The following IRS2 variants were observed in gnomAD, a reference collection of about 807,000 sequenced individuals.
IRS2 encodes insulin receptor substrate 2.
In IRS2, 28 loss-of-function variants were observed where a neutral mutation model predicts 70.9. The ratio of observed to expected loss-of-function variants is 0.39; its 90% CI spans 0.29 to 0.54. The LOEUF is 0.54. Among genes scored for constraint, IRS2 ranks in the 20% least tolerant of loss-of-function variants. The pLI is 0.59. For synonymous variants in IRS2, 1,217 were observed against 981.9 expected, an observed-to-expected ratio of 1.24 and a Z score of -4.48; for missense variants, 2,081 against 2,024.1, an observed-to-expected ratio of 1.03 and a Z score of -0.54.
At chr13:109,763,847 T>C (rs1877279059) in intron 1 of IRS2, among the ~76,000 whole-genome samples, 1 of 152,246 alleles carries the variant, frequency 6.6e-6, no homozygotes, top group South Asian at 2.1e-4. Context: ...TAATTATTTA[T>C]TCACAATATA....
intron 1 of IRS2, among the ~76,000 whole-genome samples, chr13:109,762,338 A>C (rs72667744): frequency 2.0e-5 from 3 of 152,196 alleles, no homozygotes; most frequent in Non-Finnish European, 4.4e-5. Flanking sequence ...TTTCTTTTAA[A>C]TTATGAAATG....
intron 1 of IRS2, among the ~76,000 whole-genome samples, chr13:109,757,431 C>G (rs1326445633): frequency 6.6e-6 from 1 of 152,060 alleles, no homozygotes; most frequent in Non-Finnish European, 1.5e-5. Flanking sequence ...TTTTTGTGAA[C>G]CAAATTCTTT....
chr13:109,783,251 C>A lies in IRS2; in HGVS notation c.2803G>T (p.Ala935Ser). ...GCCGCCGACGCCAGCAGGGGAGGCG[C>A]GGGCGGCGACAGGCGGGCCCCGGGC... Reference protein sequence around the residue: ...GEPGARLSPPAPPLLASAASS... With the variant: ...GEPGARLSPPSPPLLASAASS... The change falls in exon 1 of 2, where the codon GCG becomes TCG. Residue 935 changes from alanine (A) to serine (S), a missense_variant. By Grantham distance (99) the Ala-to-Ser change is moderately conservative. Around this residue, in one of 4 missense-constraint regions of IRS2, gnomAD observed 1,615 missense variants for 1,459.5 expected, o/e 1.11. Transcript: ENST00000375856. 6.8e-7 allele frequency: 1 copy of A among 1,476,668 alleles called. No homozygotes were observed. Among genetic ancestry groups the A allele is most frequent in the South Asian group, 1.3e-5 (1 of 77,676 alleles). 91.5% of individuals were successfully genotyped at this position (1,476,668 alleles called of 1,614,324 possible). A position where few individuals can be genotyped will look rare whatever the true frequency, so the allele number is the denominator to read the frequency against.
In IRS2 at chr13:109,786,233, C is replaced by G. The variant is rs1406278679; in HGVS notation, c.-180G>C. 1 of 178,326 alleles carries G rather than the reference C, an allele frequency of 5.6e-6. No individual in the cohort carries two copies. Among genetic ancestry groups the G allele is most frequent in the Non-Finnish European group, 1.1e-5 (1 of 94,770 alleles). The allele number at this position is 178,326 out of a possible 1,614,324, so 11.0% of individuals were successfully genotyped here. A position where few individuals can be genotyped will look rare whatever the true frequency, so the allele number is the denominator to read the frequency against. On this transcript the variant is annotated 5_prime_UTR_variant, in exon 1 of 2. Coordinates refer to ENST00000375856, the MANE Select transcript of IRS2 (RefSeq NM_003749.3). This position sits in a 1 kb window ranked among gnomAD's most constrained non-coding sequence, Gnocchi z 4.4. The stretch of plus-strand genomic sequence containing the variant: ...GGGAGGCCCGCGGGGGCCAGCACCG[C>G]TCGGCGGCGCCGCGCCCTCCGCGCT...
Position 109,783,664 on chromosome 13 carries a change from C to T in IRS2, c.2390G>A (p.Gly797Asp), listed in dbSNP as rs1443884819. Residue 797 changes from glycine to aspartate, a missense_variant, in exon 1 of 2, where the codon GGC becomes GAC. By Grantham distance (94) the Gly-to-Asp change is moderately conservative. Coordinates refer to ENST00000375856, the MANE Select transcript of IRS2 (RefSeq NM_003749.3). ...GGAGCTGTAGCAGCAGCCGGGAACGCCCCTGAGCGGCTCCCCGCCGGGGTG... is the reference window on the plus strand; with the variant it reads ...GGAGCTGTAGCAGCAGCCGGGAACGTCCCTGAGCGGCTCCCCGCCGGGGTG... ...ALHPGGEPLR[G>D]VPGCCYSSLP... The T allele has an allele frequency of 7.7e-6, 12 of 1,557,178 alleles. No individual in the cohort carries two copies. In the South Asian group the frequency reaches 1.3e-4, roughly 17 times the overall value.
Position 109,756,089 on chromosome 13 carries a change from A to G in IRS2, c.*215T>C. The G allele has an allele frequency of 3.7e-6, 2 of 544,556 alleles. No individual in the cohort carries two copies. Among genetic ancestry groups the G allele is most frequent in the Non-Finnish European group, 6.6e-6 (2 of 302,728 alleles). The allele number at this position is 544,556 out of a possible 1,614,324, so 33.7% of individuals were successfully genotyped here. ...AACAAAACAAAACGCAAACAGCACA[A>G]TGATGAATGCCCCATCCGGGAACAA... On this transcript the variant is annotated 3_prime_UTR_variant, in exon 2 of 2. Transcript: ENST00000375856.
At position 109,782,343 on chromosome 13, in the gene IRS2, C is replaced by T. The variant is rs2138929479; in HGVS notation, c.3711G>A (p.Ser1237=). 6.2e-7 allele frequency: 1 copy of T among 1,611,642 alleles called. No homozygotes were observed. Among genetic ancestry groups the T allele is most frequent in the Non-Finnish European group, 8.5e-7 (1 of 1,179,402 alleles). ...CGGCAGAGGTCTCTCTGCGCATGGGCGATCCACCGCTCCCAGGACAACCGA... is the reference window on the plus strand; with the variant it reads ...CGGCAGAGGTCTCTCTGCGCATGGGTGATCCACCGCTCCCAGGACAACCGA... The part of the protein sequence containing the change: ...GLVGCPGSGG[S]PMRRETSAGF... Residue 1237 remains serine (S), a synonymous_variant, in exon 1 of 2, where the codon TCG becomes TCA. Transcript: ENST00000375856.
Position 109,754,006 on chromosome 13 carries a change from ATAAGT to A in IRS2, c.*2293_*2297del, listed in dbSNP as rs774638342. 157 of 232,028 alleles carry A rather than the reference ATAAGT, an allele frequency of 6.8e-4. No individual in the cohort carries two copies. Among genetic ancestry groups the A allele is most frequent in the South Asian group, 1.6e-3 (9 of 5,518 alleles). 14.4% of individuals were successfully genotyped at this position (232,028 alleles called of 1,614,324 possible). ...CGTGTACAGTGGAAGACAGAGCAAG[ATAAGT>A]TAAGTCTCTTGTCATATCACAATAG... is the stretch of plus-strand genomic sequence containing the variant. On this transcript the variant is annotated 3_prime_UTR_variant, in exon 2 of 2. Transcript: ENST00000375856.
intron 1 of IRS2, among the ~76,000 whole-genome samples, chr13:109,765,372 A>T (rs1344185541): frequency 6.6e-6 from 1 of 152,204 alleles, no homozygotes; most frequent in Non-Finnish European, 1.5e-5. Flanking sequence ...ATGTGGAGAC[A>T]GAGGAAATCC....
In IRS2 at chr13:109,774,874, G is replaced by A. The variant is rs1478333655; in HGVS notation, c.4012+7168C>T. Among the ~76,000 whole-genome samples the A allele has an allele frequency of 2.0e-5, 3 of 152,290 alleles. No individual in the cohort carries two copies. In the East Asian group the frequency reaches 5.8e-4, roughly 29 times the overall value. Reference sequence around the variant, plus strand: ...CTCTTTTAACCCCAAGAGAAGAGTGGCAGGCAGTTATCCGTCAATATTGAT... The same window carrying A: ...CTCTTTTAACCCCAAGAGAAGAGTGACAGGCAGTTATCCGTCAATATTGAT... On this transcript the variant is annotated intron_variant, in intron 1 of 1. Transcript: ENST00000375856.
chr13:109,770,488 GCACCC>G (rs1177940664), intron 1 of IRS2, among the ~76,000 whole-genome samples: 3 of 152,172 alleles, frequency 2.0e-5, no homozygotes, highest in Non-Finnish European at 4.4e-5. Flanking sequence ...CTCATCTGAT[GCACCC>G]CAGGTTCACG....
At position 109,785,694 on chromosome 13, in the gene IRS2, C is replaced by T. The variant is rs1467117957; in HGVS notation, c.360G>A (p.Glu120=). 6.2e-7 allele frequency: 1 copy of T among 1,600,500 alleles called. No individual in the cohort carries two copies. Residue 120 remains glutamate, a synonymous_variant, in exon 1 of 2, where the codon GAG becomes GAA. Transcript: ENST00000375856. The surrounding 1 kb of genome is among the most constrained non-coding windows in gnomAD (Gnocchi z 9.3). Reference sequence around the variant, plus strand: ...CGTTCTCGGCGGCCACGGCGAAGTACTCGTCCTTGGTGTAGAGGGCGATCA... The same window carrying T: ...CGTTCTCGGCGGCCACGGCGAAGTATTCGTCCTTGGTGTAGAGGGCGATCA... The part of the protein sequence containing the change: ...KYLIALYTKD[E]YFAVAAENEQ...
intron 1 of IRS2, among the ~76,000 whole-genome samples, chr13:109,761,063 T>C (rs1347039221): frequency 1.5e-4 from 23 of 152,262 alleles, no homozygotes; most frequent in Non-Finnish European, 1.5e-5. Context: ...TTTGGACATG[T>C]TTGCCTCCAA....
Position 109,786,105 on chromosome 13 carries a change from G to T in IRS2, c.-52C>A. ...GGGCCCGGCGCCCAGGGGTTGGGGC[G>T]AGGGGCGGAGGGGGCGCGGGCGGGG... On this transcript the variant is annotated 5_prime_UTR_variant, in exon 1 of 2. Coordinates refer to ENST00000375856, the MANE Select transcript of IRS2 (RefSeq NM_003749.3). The surrounding 1 kb of genome is among the most constrained non-coding windows in gnomAD (Gnocchi z 4.4). 1 of 972,092 alleles carries T rather than the reference G, an allele frequency of 1.0e-6. No homozygotes were observed. The highest frequency in any genetic ancestry group is 1.2e-6 in the Non-Finnish European group (1 of 818,616). 60.2% of individuals were successfully genotyped at this position (972,092 alleles called of 1,614,324 possible).
At chr13:109,773,281 AGT>A (rs1470493638) in intron 1 of IRS2, among the ~76,000 whole-genome samples, 1 of 152,240 alleles carries the variant, frequency 6.6e-6, no homozygotes, top group Non-Finnish European at 1.5e-5. Context: ...ACAACTGATT[AGT>A]TAGTTATTGG....
At chr13:109,760,598 G>A (rs995004791) in intron 1 of IRS2, among the ~76,000 whole-genome samples, 2 of 152,238 alleles carry the variant, frequency 1.3e-5, no homozygotes, top group African/African-American at 4.8e-5. Context: ...TGTGACAGAT[G>A]ACATTCATAC....
At chr13:109,779,668 C>T (rs1199155042) in intron 1 of IRS2, among the ~76,000 whole-genome samples, 9 of 151,918 alleles carry the variant, frequency 5.9e-5, no homozygotes, top group Admixed American at 4.6e-4. Context: ...TTTTAAATGT[C>T]GTTGGGCATG....
intron 1 of IRS2, among the ~76,000 whole-genome samples, chr13:109,774,723 A>G (rs772119508): frequency 1.3e-5 from 2 of 152,216 alleles, no homozygotes; most frequent in South Asian, 2.1e-4. Context: ...TCTTGATTCC[A>G]AAGAATGGGG....
Position 109,784,789 on chromosome 13 carries a change from C to A in IRS2, c.1265G>T (p.Gly422Val). ...RGSKVALLPAGGALQHSRSMS... is the reference protein window; with the variant it reads ...RGSKVALLPAVGALQHSRSMS... ...GGAGCGGCTGTGTTGCAGCGCGCCC[C>A]CTGCCGGCAGCAGCGCCACCTTGCT... The change falls in exon 1 of 2, where the codon GGG becomes GTG. Residue 422 changes from glycine (G) to valine (V), a missense_variant. Gly to Val is a moderately radical substitution (Grantham distance 109). This residue lies in a region of IRS2 where 1,615 missense variants were observed against 1,459.5 expected (regional missense o/e 1.11). Coordinates refer to ENST00000375856, the MANE Select transcript of IRS2 (RefSeq NM_003749.3). The surrounding 1 kb of genome is among the most constrained non-coding windows in gnomAD (Gnocchi z 5.2). The A allele has an allele frequency of 7.9e-7, 1 of 1,266,946 alleles. No homozygotes were observed. Among genetic ancestry groups the A allele is most frequent in the South Asian group, 2.3e-5 (1 of 43,032 alleles). The allele number at this position is 1,266,946 out of a possible 1,614,324, so 78.5% of individuals were successfully genotyped here. A position where few individuals can be genotyped will look rare whatever the true frequency, so the allele number is the denominator to read the frequency against.
Sources: gnomAD v4.1 joint callset for allele counts (sites outside exome capture counted in the v4.1 genomes callset) on GRCh38, gnomAD v4.1.1 for gene constraint, gnomAD v4.1.1 regional missense constraint, Gnocchi (gnomAD v3.1) non-coding constraint, MANE v1.5 for transcripts, NCBI Gene and HGNC (gene_info 2026-07-23, HGNC 2026-07-21) for gene names.